TENM2: variants seen among roughly 807,000 people sequenced by gnomAD.
TENM2 encodes the protein teneurin transmembrane protein 2.
A neutral mutation model predicts 245.2 loss-of-function variants in TENM2; 52 were observed. The ratio of observed to expected loss-of-function variants is 0.21; its 90% confidence interval spans 0.17 to 0.27. The LOEUF (loss-of-function observed/expected upper bound fraction) is 0.27, where lower values mean the gene tolerates loss of function less well. Among genes scored for constraint, TENM2 ranks in the 10% least tolerant of loss-of-function variants. The pLI is 1.00. For missense variants in TENM2, 3,046 were observed against 3,666.8 expected (o/e 0.83, Z 4.37); for synonymous variants, 1,363 against 1,438.9 (o/e 0.95, Z 1.19).
At chr5:167,644,511 G>T (rs1561632652) in intron 2 of TENM2, among the ~76,000 whole-genome samples, 2 of 152,170 alleles carry the variant, frequency 1.3e-5, no homozygotes, top group Non-Finnish European at 2.9e-5. Flanking sequence ...TAATAGTAAA[G>T]GTGGTGACAT....
chr5:167,597,861 G>T (rs1410843184), intron 2 of TENM2, among the ~76,000 whole-genome samples: 3 of 152,078 alleles, frequency 2.0e-5, no homozygotes, highest in African/African-American at 4.8e-5. Flanking sequence ...GCATGCATGT[G>T]CACACATATA....
chr5:167,926,597 C>T (rs1035412172), intron 3 of TENM2, among the ~76,000 whole-genome samples: 1 of 151,952 alleles, frequency 6.6e-6, no homozygotes, highest in Non-Finnish European at 1.5e-5. Context: ...GGCACACACC[C>T]GTAATGCTAG....
chr5:167,798,857 A>T (rs568433259), intron 2 of TENM2, among the ~76,000 whole-genome samples: 2 of 152,284 alleles, frequency 1.3e-5, no homozygotes, highest in South Asian at 4.1e-4. Context: ...TTATCTTTAC[A>T]GTCAGAAAAG....
intron 1 of TENM2, among the ~76,000 whole-genome samples, chr5:167,362,212 A>C (rs1045659183): frequency 6.6e-6 from 1 of 152,214 alleles, no homozygotes; most frequent in Non-Finnish European, 1.5e-5. Flanking sequence ...CTCCCTGCTT[A>C]ATGGATGCTA....
chr5:167,872,457 AGCAC>A (rs1772960337), intron 2 of TENM2, among the ~76,000 whole-genome samples: 5 of 145,906 alleles, frequency 3.4e-5, no homozygotes, highest in South Asian at 2.2e-4. Context: ...AAAGAAAGAA[AGCAC>A]GAAAGAAAGA....
At chr5:168,005,072 GA>G (rs1784718440) in intron 5 of TENM2, among the ~76,000 whole-genome samples, 1 of 152,126 alleles carries the variant, frequency 6.6e-6, no homozygotes, top group Non-Finnish European at 1.5e-5. Flanking sequence ...CTGGGGATGT[GA>G]GTGCTGATTG....
intron 14 of TENM2, among the ~76,000 whole-genome samples, chr5:168,194,553 A>G (rs1761219806): frequency 6.6e-6 from 1 of 152,194 alleles, no homozygotes; most frequent in East Asian, 1.9e-4. Context: ...TCTAGCAGAA[A>G]AAAAGTGTAT....
intron 3 of TENM2, among the ~76,000 whole-genome samples, chr5:167,921,065 G>A (rs1187586273): frequency 6.6e-6 from 1 of 152,156 alleles, no homozygotes; most frequent in Non-Finnish European, 1.5e-5. Flanking sequence ...AAGATTTATG[G>A]ACTGAGGCTT....
intron 2 of TENM2, among the ~76,000 whole-genome samples, chr5:167,583,784 C>T (rs2127688502): frequency 6.6e-6 from 1 of 152,102 alleles, no homozygotes; most frequent in Non-Finnish European, 1.5e-5. Context: ...TACCTCTGCT[C>T]TCCCAATCTT....
In TENM2 at chr5:168,218,985, G is replaced by A; in HGVS notation, c.5094G>A (p.Trp1698Ter). ...CCACCAAGAGCGATGAAACAGGATG[G>A]ACGACTTTCTATGAGTAAGTGGGTT... The change falls in exon 23 of 29, where the codon TGG becomes TGA. Residue 1698 changes from tryptophan (W) to a stop codon, truncating the protein, a stop_gained. Coordinates refer to ENST00000518659, the Ensembl canonical transcript of TENM2. LOFTEE classifies it high-confidence loss of function. This position sits in a 1 kb window ranked among gnomAD's most constrained non-coding sequence, Gnocchi z 5.2. The A allele has an allele frequency of 6.2e-7, 1 of 1,613,168 alleles. No homozygotes were observed. Among genetic ancestry groups the A allele is most frequent in the East Asian group, 2.2e-5 (1 of 44,872 alleles).
At chr5:167,946,277 G>T (rs920899224) in intron 3 of TENM2, among the ~76,000 whole-genome samples, 1 of 152,156 alleles carries the variant, frequency 6.6e-6, no homozygotes, top group Non-Finnish European at 1.5e-5. Context: ...GACAGGACAA[G>T]CTGGGATGGA....
intron 2 of TENM2, among the ~76,000 whole-genome samples, chr5:167,684,496 A>G (rs1389804254): frequency 6.6e-6 from 1 of 152,202 alleles, no homozygotes; most frequent in Non-Finnish European, 1.5e-5. Context: ...CAAATAAAGA[A>G]ATCTTGTGCT....
intron 2 of TENM2, among the ~76,000 whole-genome samples, chr5:167,379,625 C>G (rs1301184960): frequency 6.6e-6 from 1 of 152,108 alleles, no homozygotes; most frequent in Non-Finnish European, 1.5e-5. Flanking sequence ...TTATAACCCA[C>G]TCTACTCCTT....
At chr5:167,415,203 G>C (rs920817833) in intron 2 of TENM2, among the ~76,000 whole-genome samples, 2 of 151,982 alleles carry the variant, frequency 1.3e-5, no homozygotes, top group African/African-American at 4.8e-5. Context: ...TGTAGGATAG[G>C]TAAGTCCCTT....
At chr5:167,797,680 A>C (rs1008181347) in intron 2 of TENM2, among the ~76,000 whole-genome samples, 1 of 152,246 alleles carries the variant, frequency 6.6e-6, no homozygotes, top group African/African-American at 2.4e-5. Context: ...CTGTCATTAC[A>C]GATCTGAAGG....
intron 12 of TENM2, among the ~76,000 whole-genome samples, chr5:168,139,771 T>G (rs1374478880): frequency 6.6e-6 from 1 of 152,080 alleles, no homozygotes; most frequent in Non-Finnish European, 1.5e-5. Flanking sequence ...AACTGGAAAG[T>G]GAATGTCCCA....
At chr5:167,176,932 T>C in the TENM2 span, among the ~76,000 whole-genome samples, 81 of 152,328 alleles carry the variant, frequency 5.3e-4, no homozygotes, top group Admixed American at 6.5e-4. Flanking sequence ...TCAGAGACCT[T>C]AGGTACATTG....
chr5:167,831,978 T>C (rs970641211), intron 2 of TENM2, among the ~76,000 whole-genome samples: 4 of 130,382 alleles, frequency 3.1e-5, no homozygotes, highest in African/African-American at 1.2e-4. Context: ...TGAGAGAGAA[T>C]GGACGAAAAA....
intron 4 of TENM2, among the ~76,000 whole-genome samples, chr5:167,958,123 T>A (rs1322510539): frequency 6.6e-6 from 1 of 152,204 alleles, no homozygotes; most frequent in Non-Finnish European, 1.5e-5. Flanking sequence ...GCTTTGTAGA[T>A]CTCTAAGAAC....
Sources: gnomAD v4.1 joint callset for allele counts (sites outside exome capture counted in the v4.1 genomes callset) on GRCh38, gnomAD v4.1.1 for gene constraint, Gnocchi (gnomAD v3.1) non-coding constraint, MANE v1.5 for transcripts, NCBI Gene and HGNC (gene_info 2026-07-23, HGNC 2026-07-21) for gene names.